Variants in PLIN1 observed in about 807,000 individuals in gnomAD.
PLIN1 encodes perilipin-1.
A neutral mutation model predicts 45.8 loss-of-function variants in PLIN1; 37 were observed. That is an observed-to-expected ratio of 0.81 (90% CI 0.62 to 1.06). The LOEUF is 1.06. PLIN1 is among the 50% of genes least tolerant of loss of function. PLIN1 has a pLI of 0.00. For missense variants in PLIN1, 776 were observed against 716.5 expected (o/e 1.08, Z -0.95); for synonymous variants, 340 against 309.2 (o/e 1.10, Z -1.05).
Position 89,670,187 on chromosome 15 carries a change from T to C in PLIN1, c.391A>G (p.Ile131Val), listed in dbSNP as rs746198906. 3.1e-6 allele frequency: 5 copies of C among 1,614,068 alleles called. No individual in the cohort carries two copies. The highest frequency in any genetic ancestry group is 4.2e-6 in the Non-Finnish European group (5 of 1,179,986). Residue 131 changes from isoleucine (I) to valine (V), a missense_variant, in exon 5 of 9, where the codon ATC (isoleucine) becomes GTC (valine). Transcript: ENST00000300055. ...STRLRSARNS[I>V]SVPIASTSDK... ...GAAGTGCTCGCGATGGGAACGCTGA[T>C]GCTGTTTCTGGCACTGCGGAGGCGG...
At chr15:89,668,556 CA>C (rs1193376382) in intron 6 of PLIN1, among the ~76,000 whole-genome samples, 2 of 152,324 alleles carry the variant, frequency 1.3e-5, no homozygotes, top group East Asian at 3.9e-4. Context: ...ATTGACTGAG[CA>C]AGGGGGCTGG....
rs879055084 is a variant in PLIN1, at chr15:89,667,190, C to T, written c.964-9G>A. 3.7e-6 allele frequency: 6 copies of T among 1,612,684 alleles called. No individual in the cohort carries two copies. Among genetic ancestry groups the T allele is most frequent in the Admixed American group, 1.7e-5 (1 of 60,018 alleles). ...CCTGGCAGGGCTGCTACCTGGGGGC[C>T]AAAGCAGGGTCAGTGCCTCCTGTGG... On this transcript the variant is annotated splice_polypyrimidine_tract_variant and intron_variant, in intron 7 of 8. Coordinates refer to ENST00000300055, the MANE Select transcript of PLIN1 (RefSeq NM_002666.5).
intron 7 of PLIN1, 65 bp downstream of exon 7, chr15:89,667,537 T>C: frequency 6.2e-7 from 1 of 1,612,804 alleles, no homozygotes; most frequent in South Asian, 1.1e-5. Flanking sequence ...GAGTTCACCC[T>C]ATGCCTCTGC....
At chr15:89,676,643 C>T (rs532580875) in intron 2 of PLIN1, 20 of 152,216 alleles carry the variant, frequency 1.3e-4, no homozygotes, top group Admixed American at 6.5e-4. Context: ...ACATTTTGGA[C>T]GAGGCTTCAG....
chr15:89,669,425 G>A (rs1964399753), intron 6 of PLIN1, 75 bp downstream of exon 6: 4 of 1,197,166 alleles, frequency 3.3e-6, no homozygotes, highest in African/African-American at 1.5e-5. Flanking sequence ...GGTGATGGGT[G>A]GGGGATGGGA....
In PLIN1 at chr15:89,669,545, C is replaced by T. The variant is rs1447352828; in HGVS notation, c.726G>A (p.Glu242=). Reference sequence around the variant, plus strand: ...TCCACATGGCCACGGTGTGGCCCTGCTCCAGGGCCCGGGCCATGGTCTGCA... The same window carrying T: ...TCCACATGGCCACGGTGTGGCCCTGTTCCAGGGCCCGGGCCATGGTCTGCA... The part of the protein sequence containing the change: ...YTVQTMARAL[E]QGHTVAMWIP... Residue 242 remains glutamate (E), a synonymous_variant, in exon 6 of 9, where the codon GAG becomes GAA. Coordinates refer to ENST00000300055, the MANE Select transcript of PLIN1 (RefSeq NM_002666.5). 6.2e-7 allele frequency: 1 copy of T among 1,613,574 alleles called. No homozygotes were observed. The highest frequency in any genetic ancestry group is 8.5e-7 in the Non-Finnish European group (1 of 1,179,822).
At chr15:89,668,610 A>G (rs2141528905) in intron 6 of PLIN1, among the ~76,000 whole-genome samples, 1 of 152,294 alleles carries the variant, frequency 6.6e-6, no homozygotes, top group East Asian at 1.9e-4. Context: ...AGCCCCACAA[A>G]CAGAGACTCC....
chr15:89,674,357 A>G (rs1964485233), intron 2 of PLIN1, among the ~76,000 whole-genome samples: 1 of 152,180 alleles, frequency 6.6e-6, no homozygotes, highest in Non-Finnish European at 1.5e-5. Flanking sequence ...CGTGGGCTCA[A>G]ACAGTCCCCA....
chr15:89,669,933 T>G, intron 5 of PLIN1, 47 bp downstream of exon 5: 3 of 1,580,028 alleles, frequency 1.9e-6, no homozygotes, highest in South Asian at 2.3e-5. Flanking sequence ...TCCCAGGCAG[T>G]GTGTGTGACA....
chr15:89,669,323 T>C (rs993750252), intron 6 of PLIN1, among the ~76,000 whole-genome samples, 177 bp downstream of exon 6: 5 of 152,092 alleles, frequency 3.3e-5, no homozygotes, highest in Admixed American at 1.3e-4. Context: ...TTCCCTGTGG[T>C]CTGGAAGGCC....
At chr15:89,668,440 G>A (rs1964387661) in intron 6 of PLIN1, among the ~76,000 whole-genome samples, 1 of 152,192 alleles carries the variant, frequency 6.6e-6, no homozygotes, top group South Asian at 2.1e-4. Context: ...ACTTAAGAGT[G>A]GAACTGCTGG....
chr15:89,669,381 C>G lies in PLIN1; in HGVS notation c.771+119G>C, dbSNP rs1561724. 0.96 allele frequency: 868,339 copies of G among 905,358 alleles called. 419,262 individuals carry two copies. Among genetic ancestry groups the G allele is most frequent in the Non-Finnish European group, 1 (550,106 of 551,138 alleles). The allele number at this position is 905,358 out of a possible 1,614,324, so 56.1% of individuals were successfully genotyped here. A position where few individuals can be genotyped will look rare whatever the true frequency, so the allele number is the denominator to read the frequency against. ...CTCTTAGAACTGAAGCCCCAGCCCA[C>G]GTTGGAAGAGAGAATGTTCTCAGGA... On this transcript the variant is annotated intron_variant, in intron 6 of 8. Coordinates refer to ENST00000300055, the MANE Select transcript of PLIN1 (RefSeq NM_002666.5).
At chr15:89,669,901 G>T in intron 5 of PLIN1, 79 bp downstream of exon 5, 2 of 1,454,538 alleles carry the variant, frequency 1.4e-6, no homozygotes, top group Admixed American at 1.8e-5. Context: ...AGCAGTGGCT[G>T]GTTGAGCCAC....
chr15:89,677,168 TC>T (rs1342262370), intron 2 of PLIN1: 1 of 523,412 alleles, frequency 1.9e-6, no homozygotes, highest in East Asian at 3.4e-5. Flanking sequence ...AACAGTAGTT[TC>T]CTTCCTCTCC....
At position 89,670,924 on chromosome 15, in the gene PLIN1, C is replaced by T. The variant is rs1384133718; in HGVS notation, c.333+558G>A. ...CCCGGGCATAGGGTAGGGCTCAGTA[C>T]CTGTTTGTGGGAAGGGTAGATAGTT... is the stretch of plus-strand genomic sequence containing the variant. On this transcript the variant is annotated intron_variant, in intron 4 of 8. Transcript: ENST00000300055. Among the ~76,000 whole-genome samples the T allele has an allele frequency of 3.9e-5, 6 of 152,100 alleles. No homozygotes were observed. In the East Asian group the frequency reaches 9.6e-4, roughly 24 times the overall value.
chr15:89,677,592 G>T, intron 1 of PLIN1, 89 bp from the exon 2 acceptor site: 2 of 1,079,296 alleles, frequency 1.9e-6, no homozygotes, highest in South Asian at 1.2e-5. Flanking sequence ...CACCAACTAG[G>T]CCCAGGCTGC....
intron 7 of PLIN1, 62 bp downstream of exon 7, chr15:89,667,540 G>A (rs968896892): frequency 4.3e-6 from 7 of 1,613,374 alleles, no homozygotes; most frequent in African/African-American, 1.3e-5. Context: ...TTCACCCTAT[G>A]CCTCTGCTTC....
chr15:89,665,904 G>T lies in PLIN1; in HGVS notation c.1248C>A (p.Phe416Leu). ...RLSLMEPESEFRDIDNPPAEV... is the reference protein window; with the variant it reads ...RLSLMEPESELRDIDNPPAEV... ...CGGCTGGTGGGTTGTCGATGTCCCG[G>T]AATTCGCTCTCGGGCTCCATCAGCG... The change falls in exon 9 of 9, where the codon TTC becomes TTA. Residue 416 changes from phenylalanine to leucine, a missense_variant. Coordinates refer to ENST00000300055, the MANE Select transcript of PLIN1 (RefSeq NM_002666.5). 2 of 1,536,100 alleles carry T rather than the reference G, an allele frequency of 1.3e-6. No homozygotes were observed. Among genetic ancestry groups the T allele is most frequent in the Non-Finnish European group, 1.7e-6 (2 of 1,150,432 alleles).
chr15:89,671,551 A>G lies in PLIN1; in HGVS notation c.264T>C (p.Asn88=). 1 of 1,565,494 alleles carries G rather than the reference A, an allele frequency of 6.4e-7. No individual in the cohort carries two copies. Among genetic ancestry groups the G allele is most frequent in the Non-Finnish European group, 8.7e-7 (1 of 1,153,944 alleles). Residue 88 remains asparagine, a synonymous_variant, in exon 4 of 9, where the codon AAT becomes AAC. Transcript: ENST00000300055. The part of the protein sequence containing the change: ...RRLSTQFTAA[N]ELACRGLDHL... ...GGTCCAAGCCTCGGCAGGCCAGCTC[A>G]TTGGCAGCTGTGACTGGAAGGAAAG...
Sources: allele counts gnomAD v4.1 joint callset (sites outside exome capture counted in the v4.1 genomes callset), GRCh38; gene constraint gnomAD v4.1.1; transcripts MANE v1.5; gene names NCBI Gene and HGNC (gene_info 2026-07-23, HGNC 2026-07-21).